Variants in DOCK1 observed in about 807,000 individuals in gnomAD.
The protein encoded by DOCK1 is dedicator of cytokinesis 1, also known as dedicator of cytokinesis protein 1.
A neutral mutation model predicts 262.7 loss-of-function variants in DOCK1; 138 were observed. The ratio of observed to expected loss-of-function variants is 0.53; its 90% CI spans 0.46 to 0.61. The LOEUF (loss-of-function observed/expected upper bound fraction) is 0.61, where lower values mean the gene tolerates loss of function less well. DOCK1 is among the 20% of genes least tolerant of loss of function. The pLI, the probability that DOCK1 is intolerant of heterozygous loss-of-function variation, is 0.00. For missense variants in DOCK1, 1,908 were observed against 2,370.7 expected (o/e 0.80, Z 4.05); for synonymous variants, 866 against 867.4 (o/e 1.00, Z 0.03).
At chr10:127,290,169 C>T (rs1246653225) in intron 29 of DOCK1, among the ~76,000 whole-genome samples, 2 of 151,928 alleles carry the variant, frequency 1.3e-5, no homozygotes, top group East Asian at 1.9e-4. Context: ...TTTATGATCA[C>T]GTCCTGGTTT....
chr10:126,926,571 T>C (rs2033741038), intron 1 of DOCK1, among the ~76,000 whole-genome samples: 1 of 152,220 alleles, frequency 6.6e-6, no homozygotes, highest in Non-Finnish European at 1.5e-5. Context: ...TCCTAACCCT[T>C]AGTGCCTCAG....
chr10:127,266,982 T>A (rs1250973917), intron 29 of DOCK1, among the ~76,000 whole-genome samples: 1 of 152,152 alleles, frequency 6.6e-6, no homozygotes, highest in African/African-American at 2.4e-5. Flanking sequence ...CATGAGACTT[T>A]TCTGGGGGCT....
chr10:127,282,983 G>T (rs569748474), intron 29 of DOCK1, among the ~76,000 whole-genome samples: 1 of 152,350 alleles, frequency 6.6e-6, no homozygotes, highest in South Asian at 2.1e-4. Flanking sequence ...GAGCTGACAG[G>T]GAAAGGTCTC....
At chr10:127,193,727 T>C (rs1438704353) in intron 27 of DOCK1, among the ~76,000 whole-genome samples, 4 of 152,164 alleles carry the variant, frequency 2.6e-5, no homozygotes, top group African/African-American at 7.2e-5. Context: ...TACAAGTCTT[T>C]CTCTTATTTA....
chr10:127,107,183 T>C (rs1436324221), intron 24 of DOCK1, among the ~76,000 whole-genome samples: 1 of 152,076 alleles, frequency 6.6e-6, no homozygotes, highest in East Asian at 1.9e-4. Flanking sequence ...CTACTTTTTG[T>C]TTTGGTTTTG....
At chr10:127,387,659 C>T (rs192858797) in intron 38 of DOCK1, among the ~76,000 whole-genome samples, 4 of 152,294 alleles carry the variant, frequency 2.6e-5, no homozygotes, top group East Asian at 1.9e-4. Context: ...GAACCTCACG[C>T]GTCAATTCCC....
chr10:127,043,236 G>A (rs911123229), intron 21 of DOCK1, 72 bp downstream of exon 21: 1 of 1,237,368 alleles, frequency 8.1e-7, no homozygotes, highest in Non-Finnish European at 1.2e-6. Flanking sequence ...TCTTTTTCAT[G>A]TACTTTTGTC....
chr10:127,320,432 G>A lies in DOCK1; in HGVS notation c.3045-18574G>A, dbSNP rs1013253461. ...TGAGATGCCCAGGGCTCCCTTGAGC[G>A]CGGCCACGTGGCTGGGAACCTGTCA... On this transcript the variant is annotated intron_variant, in intron 29 of 51. Coordinates refer to ENST00000623213, the MANE Select transcript of DOCK1 (RefSeq NM_001290223.2). Among the ~76,000 whole-genome samples, 4 of 152,240 alleles carry A rather than the reference G, an allele frequency of 2.6e-5. No homozygotes were observed. In the East Asian group the frequency reaches 5.8e-4, roughly 22 times the overall value.
chr10:126,960,745 TACACACACACACACACAG>T (rs2037137549), intron 1 of DOCK1, among the ~76,000 whole-genome samples: 5 of 115,508 alleles, frequency 4.3e-5, no homozygotes, highest in Admixed American at 8.1e-5. Context: ...TATATATATA[TACACACACACACACACAG>T]ACACATATAT....
intron 29 of DOCK1, among the ~76,000 whole-genome samples, chr10:127,290,659 A>G (rs901024259): frequency 3.9e-5 from 6 of 152,194 alleles, no homozygotes; most frequent in African/African-American, 1.4e-4. Context: ...TATGAATGTT[A>G]CATAAATGGG....
chr10:127,262,060 C>G (rs1215660414), intron 29 of DOCK1, among the ~76,000 whole-genome samples: 2 of 92,144 alleles, frequency 2.2e-5, no homozygotes, highest in Admixed American at 1.3e-4. Context: ...CTGTGCTCTT[C>G]TGTGTGTGTG....
At chr10:127,360,927 C>T (rs909117922) in intron 32 of DOCK1, among the ~76,000 whole-genome samples, 7 of 151,870 alleles carry the variant, frequency 4.6e-5, no homozygotes, top group South Asian at 2.1e-4. Flanking sequence ...GTAAGGTTAC[C>T]GTGAAAATTC....
intron 27 of DOCK1, among the ~76,000 whole-genome samples, chr10:127,166,220 C>T (rs2483849): frequency 0.5 from 75,740 of 151,958 alleles, 20,875 homozygotes; most frequent in East Asian, 0.75. Context: ...TGCCTGCCAC[C>T]ACGCCCAGCT....
chr10:127,026,393 G>A lies in DOCK1; in HGVS notation c.1593G>A (p.Arg531=), dbSNP rs1197430379. 5 of 1,578,794 alleles carry A rather than the reference G, an allele frequency of 3.2e-6. No homozygotes were observed. Among genetic ancestry groups the A allele is most frequent in the African/African-American group, 2.7e-5 (2 of 74,250 alleles). ...PIEDVNRSHL[R]FTFRHRSSQD... is the part of the protein sequence containing the mutation. ...AGGACGTTAACCGCAGTCACCTTCGGTTTACCTTCCGCCACAGGTCATCAC... is the reference window on the plus strand; with the variant it reads ...AGGACGTTAACCGCAGTCACCTTCGATTTACCTTCCGCCACAGGTCATCAC... The change falls in exon 16 of 52, where the codon CGG becomes CGA. Residue 531 remains arginine, a synonymous_variant. Transcript: ENST00000623213.
intron 25 of DOCK1, among the ~76,000 whole-genome samples, chr10:127,123,023 C>T (rs1215191599): frequency 2.0e-5 from 3 of 152,196 alleles, no homozygotes; most frequent in Non-Finnish European, 4.4e-5. Context: ...ACAGGGCCAG[C>T]TCTGCTGTTT....
intron 29 of DOCK1, among the ~76,000 whole-genome samples, chr10:127,288,773 TCACACACACA>T (rs3221847): frequency 2.0e-4 from 28 of 143,430 alleles, no homozygotes; most frequent in African/African-American, 2.6e-4. Context: ...TGTATATATT[TCACACACACA>T]CACACACACA....
At chr10:127,184,467 C>A (rs2056037521) in intron 27 of DOCK1, among the ~76,000 whole-genome samples, 2 of 151,942 alleles carry the variant, frequency 1.3e-5, no homozygotes, top group Admixed American at 6.6e-5. Flanking sequence ...CCTCAGCTCT[C>A]CATTCCCCCA....
In DOCK1 at chr10:126,996,892, G is replaced by T; in HGVS notation, c.609+9G>T. ...GGTTACAAGAGGAAAAAGTAAGTTTGACTCTGTCATATGCCATTCACGTTT... is the reference window on the plus strand; with the variant it reads ...GGTTACAAGAGGAAAAAGTAAGTTTTACTCTGTCATATGCCATTCACGTTT... On this transcript the variant is annotated intron_variant, in intron 7 of 51. Coordinates refer to ENST00000623213, the MANE Select transcript of DOCK1 (RefSeq NM_001290223.2). 2 of 1,592,410 alleles carry T rather than the reference G, an allele frequency of 1.3e-6. No individual in the cohort carries two copies. Among genetic ancestry groups the T allele is most frequent in the South Asian group, 2.3e-5 (2 of 86,822 alleles).
chr10:127,127,581 A>G, intron 26 of DOCK1, 88 bp from the exon 27 acceptor site: 1 of 1,037,334 alleles, frequency 9.6e-7, no homozygotes, highest in South Asian at 1.7e-5. Context: ...TTTACTCTTT[A>G]CAGGGTAAAT....
Sources: allele counts gnomAD v4.1 joint callset (sites outside exome capture counted in the v4.1 genomes callset), GRCh38; gene constraint gnomAD v4.1.1; transcripts MANE v1.5; gene names NCBI Gene and HGNC (gene_info 2026-07-23, HGNC 2026-07-21).